FSTL5: variants seen among roughly 807,000 people sequenced by gnomAD.
FSTL5 encodes follistatin like 5, also known as follistatin-related protein 5.
A neutral mutation model predicts 89.1 loss-of-function variants in FSTL5; 62 were observed. The observed-to-expected ratio is 0.70, with a 90% CI of 0.57 to 0.86. The LOEUF is 0.86. FSTL5 is among the 40% of genes least tolerant of loss of function. The pLI is 0.00. For missense variants in FSTL5, 1,057 were observed against 1,001.6 expected (o/e 1.06, Z -0.75); for synonymous variants, 383 against 346.2 (o/e 1.11, Z -1.18).
chr4:162,132,673 T>C (rs1579053208), intron 1 of FSTL5, among the ~76,000 whole-genome samples: 1 of 152,318 alleles, frequency 6.6e-6, no homozygotes, highest in East Asian at 1.9e-4. Context: ...CTATCTTTGC[T>C]TCTTGAAATA....
At position 161,876,370 on chromosome 4, in the gene FSTL5, T is replaced by C. The variant is rs552446253; in HGVS notation, c.409+44034A>G. On this transcript the variant is annotated intron_variant, in intron 4 of 15. Coordinates refer to ENST00000306100, the MANE Select transcript of FSTL5 (RefSeq NM_020116.5). ...GTTTTATCAATGAGGAAACATTAAG[T>C]AAAGAGAAAAAATTTCAAGTGATTA... is the stretch of plus-strand genomic sequence containing the variant. 7.2e-5 allele frequency among the ~76,000 whole-genome samples: 11 copies of C among 152,274 alleles called. No homozygotes were observed. In the South Asian group the frequency reaches 1.7e-3, roughly 23 times the overall value.
intron 4 of FSTL5, among the ~76,000 whole-genome samples, chr4:161,834,102 C>A (rs1032484478): frequency 1.3e-5 from 2 of 152,122 alleles, no homozygotes; most frequent in African/African-American, 2.4e-5. Context: ...AGCTTATCCA[C>A]CATGATCAAG....
chr4:161,616,239 A>T (rs1469092489), intron 7 of FSTL5, among the ~76,000 whole-genome samples: 1 of 152,036 alleles, frequency 6.6e-6, no homozygotes, highest in African/African-American at 2.4e-5. Flanking sequence ...GGCCCTCGCC[A>T]CCATGCCCGC....
chr4:161,447,283 T>C (rs1439173254), intron 15 of FSTL5, among the ~76,000 whole-genome samples: 2 of 152,106 alleles, frequency 1.3e-5, no homozygotes, highest in African/African-American at 4.8e-5. Context: ...CTATAAAAAC[T>C]CTTCCTTTTT....
chr4:162,129,649 C>T (rs1732221072), intron 1 of FSTL5, among the ~76,000 whole-genome samples: 1 of 152,124 alleles, frequency 6.6e-6, no homozygotes, highest in African/African-American at 2.4e-5. Context: ...TAAGAGAAGG[C>T]ATCTCACAGC....
Position 161,385,898 on chromosome 4 carries a change from C to A in FSTL5, c.2393G>T (p.Arg798Met). 2 of 1,613,882 alleles carry A rather than the reference C, an allele frequency of 1.2e-6. No individual in the cohort carries two copies. Among genetic ancestry groups the A allele is most frequent in the Non-Finnish European group, 1.7e-6 (2 of 1,179,932 alleles). The change falls in exon 16 of 16, where the codon AGG becomes ATG. Residue 798 changes from arginine to methionine, a missense_variant. Transcript: ENST00000306100. The part of the protein sequence containing the change: ...AEEWPWNRKN[R>M]QIQDSGLFGQ... The stretch of plus-strand genomic sequence containing the variant: ...AAACAAGCCACTGTCCTGGATTTGC[C>A]TGTTTTTCCGGTTCCAAGGCCATTC...
At chr4:161,988,145 G>A (rs151196412) in intron 3 of FSTL5, among the ~76,000 whole-genome samples, 1 of 151,368 alleles carries the variant, frequency 6.6e-6, no homozygotes, top group Non-Finnish European at 1.5e-5. Flanking sequence ...CTTTGATTTT[G>A]CAAAATTGGC....
chr4:161,928,638 G>C (rs575669252), intron 3 of FSTL5, among the ~76,000 whole-genome samples: 2 of 151,842 alleles, frequency 1.3e-5, no homozygotes, highest in African/African-American at 2.4e-5. Flanking sequence ...GTATCTTGAA[G>C]TTTTAATTTG....
At chr4:162,113,955 T>C (rs1478598429) in intron 1 of FSTL5, among the ~76,000 whole-genome samples, 3 of 152,208 alleles carry the variant, frequency 2.0e-5, no homozygotes, top group Non-Finnish European at 4.4e-5. Flanking sequence ...ATGCAGGAAA[T>C]TGTTTGCTTT....
rs145434673 is a variant in FSTL5, at chr4:161,417,358, C to T, written c.1842-30909G>A. ...AGTGCACTACTCCCTCTTTTAATCA[C>T]GCCATTCATAAAATGATTTGTATGT... On this transcript the variant is annotated intron_variant, in intron 15 of 15. Transcript: ENST00000306100. Among the ~76,000 whole-genome samples, 966 of 152,292 alleles carry T rather than the reference C, an allele frequency of 6.3e-3. 13 individuals are homozygous for T. The highest frequency in any genetic ancestry group is 0.021 in the African/African-American group (890 of 41,560).
intron 6 of FSTL5, among the ~76,000 whole-genome samples, chr4:161,675,674 C>A (rs963716084): frequency 6.6e-6 from 1 of 151,682 alleles, no homozygotes; most frequent in South Asian, 2.1e-4. Context: ...TGAAGGCATG[C>A]TTTATAATTA....
intron 2 of FSTL5, among the ~76,000 whole-genome samples, chr4:162,035,886 G>C (rs1467824897): frequency 6.6e-6 from 1 of 152,000 alleles, no homozygotes; most frequent in Non-Finnish European, 1.5e-5. Context: ...TGCTGTGAGA[G>C]AGCCAACAAA....
chr4:162,110,166 T>A lies in FSTL5; in HGVS notation c.126+1105A>T, dbSNP rs1255230367. Among the ~76,000 whole-genome samples, 6 of 152,084 alleles carry A rather than the reference T, an allele frequency of 3.9e-5. No homozygotes were observed. The East Asian group carries it at 1.2e-3, about 29-fold the overall frequency. On this transcript the variant is annotated intron_variant, in intron 2 of 15. Coordinates refer to ENST00000306100, the MANE Select transcript of FSTL5 (RefSeq NM_020116.5). ...TACTTACTTCCTTTTTTGTTGACTATCGAATCTATCCTTCATATTATCCCA... is the reference window on the plus strand; with the variant it reads ...TACTTACTTCCTTTTTTGTTGACTAACGAATCTATCCTTCATATTATCCCA...
At chr4:161,408,833 A>T (rs1331620259) in intron 15 of FSTL5, among the ~76,000 whole-genome samples, 1 of 152,228 alleles carries the variant, frequency 6.6e-6, no homozygotes, top group Non-Finnish European at 1.5e-5. Flanking sequence ...GAGCGTGAAG[A>T]CCAGTTTGTC....
chr4:161,574,344 C>CTTT (rs200138310), intron 8 of FSTL5, among the ~76,000 whole-genome samples: 2 of 137,250 alleles, frequency 1.5e-5, no homozygotes, highest in Non-Finnish European at 3.2e-5. Context: ...TTTTTTTTTT[C>CTTT]TTTTTTTTTT....
rs750594173 is a variant in FSTL5, at chr4:161,538,202, A to G, written c.1276T>C (p.Ser426Pro). 1.9e-6 allele frequency: 3 copies of G among 1,614,058 alleles called. No individual in the cohort carries two copies. Among genetic ancestry groups the G allele is most frequent in the Non-Finnish European group, 2.5e-6 (3 of 1,179,966 alleles). ...GCAGAGTCTTCCACAAAAAGAGAAG[A>G]GATGTCTTCATCCACTCCTGCTTCA... ...KNEAGVDEDI[S>P]SLFVEDSARK... Residue 426 changes from serine to proline, a missense_variant, in exon 10 of 16, where the codon TCT becomes CCT. This residue lies in a region of FSTL5 where 980 missense variants were observed against 903.2 expected (regional missense o/e 1.08). Transcript: ENST00000306100.
chr4:161,876,805 T>TATA (rs1732457648), intron 4 of FSTL5, among the ~76,000 whole-genome samples: 1 of 152,110 alleles, frequency 6.6e-6, no homozygotes, highest in Non-Finnish European at 1.5e-5. Flanking sequence ...GCTTCATTAT[T>TATA]TCCTATTATA....
chr4:161,995,095 T>G (rs1292182497), intron 3 of FSTL5, among the ~76,000 whole-genome samples: 2 of 152,178 alleles, frequency 1.3e-5, no homozygotes, highest in East Asian at 3.8e-4. Flanking sequence ...TTCAATCTTC[T>G]GCATATGGCT....
At chr4:161,769,833 A>G (rs1179084705) in intron 5 of FSTL5, among the ~76,000 whole-genome samples, 1 of 151,996 alleles carries the variant, frequency 6.6e-6, no homozygotes, top group Non-Finnish European at 1.5e-5. Flanking sequence ...AAGAGAAAGA[A>G]ATAAAATTTG....
Sources: allele counts gnomAD v4.1 joint callset (sites outside exome capture counted in the v4.1 genomes callset), GRCh38; gene constraint gnomAD v4.1.1; regional missense constraint gnomAD v4.1.1; transcripts MANE v1.5; gene names NCBI Gene and HGNC (gene_info 2026-07-23, HGNC 2026-07-21).